Variants in RC3H1 observed in about 807,000 individuals in gnomAD.
The protein encoded by RC3H1 is roquin-1.
A neutral mutation model predicts 138.2 loss-of-function variants in RC3H1; 50 were observed. The ratio of observed to expected loss-of-function variants is 0.36; its 90% confidence interval spans 0.29 to 0.46. The LOEUF is 0.46. Ranked by LOEUF, RC3H1 falls within the 20% of genes least tolerant of loss-of-function variation. The pLI is 1.00. For synonymous variants in RC3H1, 462 were observed against 489.1 expected (o/e 0.94, Z 0.73); for missense variants, 1,031 against 1,388.1 (o/e 0.74, Z 4.09).
intron 1 of RC3H1, chr1:174,016,230 G>A (rs1661860649): frequency 6.6e-6 from 1 of 152,010 alleles, no homozygotes; most frequent in Admixed American, 6.6e-5. Flanking sequence ...TAATTTAAAT[G>A]TATTAATTGA....
chr1:174,021,495 T>G (rs910111181), intron 1 of RC3H1, among the ~76,000 whole-genome samples: 2 of 152,070 alleles, frequency 1.3e-5, no homozygotes, highest in Non-Finnish European at 2.9e-5. Flanking sequence ...TTTTTGTTTT[T>G]TTTTTTTAAA....
chr1:174,014,699 T>C (rs945310448), intron 1 of RC3H1, among the ~76,000 whole-genome samples: 4 of 152,176 alleles, frequency 2.6e-5, no homozygotes, highest in African/African-American at 9.7e-5. Context: ...ACTAAAGATA[T>C]TATTATTTAC....
chr1:174,015,521 T>C (rs543216766), intron 1 of RC3H1, among the ~76,000 whole-genome samples: 1 of 151,974 alleles, frequency 6.6e-6, no homozygotes, highest in African/African-American at 2.4e-5. Context: ...CCTGCCACCA[T>C]GCCCGGCTAA....
intron 1 of RC3H1, among the ~76,000 whole-genome samples, chr1:174,008,068 A>G (rs1399213235): frequency 6.6e-6 from 1 of 152,150 alleles, no homozygotes; most frequent in East Asian, 1.9e-4. Context: ...CTTTTTCCCT[A>G]TGATCCTGTG....
At chr1:174,015,979 T>TC (rs1661855386) in intron 1 of RC3H1, 1 of 152,056 alleles carries the variant, frequency 6.6e-6, no homozygotes, top group Non-Finnish European at 1.5e-5. Context: ...GGCAGGTAGA[T>TC]CACCTGAGAT....
intron 13 of RC3H1, among the ~76,000 whole-genome samples, chr1:173,956,938 G>A (rs910561494): frequency 6.6e-6 from 1 of 151,846 alleles, no homozygotes; most frequent in African/African-American, 2.4e-5. Flanking sequence ...TGTTGAGAAC[G>A]AGTCTTGTTC....
chr1:173,952,392 T>TTTGA (rs1659449940), intron 13 of RC3H1, among the ~76,000 whole-genome samples: 1 of 114,446 alleles, frequency 8.7e-6, no homozygotes, highest in Non-Finnish European at 1.7e-5. Context: ...TTTTTTACCT[T>TTTGA]AGCAGAAGGT....
intron 2 of RC3H1, among the ~76,000 whole-genome samples, chr1:173,987,648 T>C (rs898070215): frequency 1.3e-5 from 2 of 152,224 alleles, no homozygotes; most frequent in Non-Finnish European, 2.9e-5. Context: ...GAATGCTATG[T>C]ATGCACATTA....
chr1:173,974,082 C>CT, intron 7 of RC3H1, among the ~76,000 whole-genome samples: 1 of 152,000 alleles, frequency 6.6e-6, no homozygotes, highest in South Asian at 2.1e-4. Flanking sequence ...TTCCAAAGTG[C>CT]TGGGATTACA....
At position 173,980,980 on chromosome 1, in the gene RC3H1, C is replaced by T. The variant is rs1251301886; in HGVS notation, c.798G>A (p.Leu266=). ...TTCTAAATTCTTCTTTCAGCTGCAT[C>T]AAAGAAGAGTCTTCATCACGTTTGG... The part of the protein sequence containing the change: ...KVTKRDEDSS[L]MQLKEEFRTY... Residue 266 remains leucine, a synonymous_variant, in exon 6 of 20, where the codon TTG becomes TTA. Transcript: ENST00000367696. The T allele has an allele frequency of 2.5e-6, 4 of 1,613,696 alleles. No individual in the cohort carries two copies. The Admixed American group carries it at 6.7e-5, about 27-fold the overall frequency.
At chr1:173,965,611 C>T (rs1304886560) in intron 9 of RC3H1, among the ~76,000 whole-genome samples, 1 of 151,950 alleles carries the variant, frequency 6.6e-6, no homozygotes. Flanking sequence ...TAACATTTGT[C>T]ATATTATAAA....
At chr1:173,947,345 T>C in intron 15 of RC3H1, 24 bp downstream of exon 15, 2 of 1,538,192 alleles carry the variant, frequency 1.3e-6, no homozygotes. Flanking sequence ...ACCCTTTAGG[T>C]CAGCTTACCT....
intron 9 of RC3H1, among the ~76,000 whole-genome samples, chr1:173,966,742 AAAAT>A: frequency 6.6e-6 from 1 of 152,024 alleles, no homozygotes; most frequent in South Asian, 2.1e-4. Flanking sequence ...AGTAAATAAA[AAAAT>A]AAATAAAACC....
At chr1:173,981,190 C>T (rs558811862) in intron 5 of RC3H1, among the ~76,000 whole-genome samples, 181 bp from the exon 6 acceptor site, 1 of 152,316 alleles carries the variant, frequency 6.6e-6, no homozygotes, top group East Asian at 1.9e-4. Context: ...TCATCCCATT[C>T]TGAGTCAAGT....
chr1:173,959,628 G>A (rs1216327454), intron 13 of RC3H1, among the ~76,000 whole-genome samples: 3 of 151,788 alleles, frequency 2.0e-5, no homozygotes, highest in Non-Finnish European at 2.9e-5. Context: ...AAAATTAGCC[G>A]GGCATGGTGG....
intron 13 of RC3H1, among the ~76,000 whole-genome samples, chr1:173,955,419 G>A (rs1033846198): frequency 2.6e-4 from 39 of 147,560 alleles, no homozygotes; most frequent in Admixed American, 4.8e-4. Flanking sequence ...CCAGGTTCAC[G>A]TCATTCTCTC....
At position 173,944,277 on chromosome 1, in the gene RC3H1, A is replaced by G. The variant is rs143066950; in HGVS notation, c.2962-662T>C. 4.8e-3 allele frequency among the ~76,000 whole-genome samples: 732 copies of G among 152,214 alleles called. 7 individuals are homozygous for G. Among genetic ancestry groups the G allele is most frequent in the African/African-American group, 0.016 (684 of 41,534 alleles). ...GGTAATTTTCTCTGAAGTAAATCCT[A>G]TAACTTATTTCAATGAAACCTCAGT... On this transcript the variant is annotated intron_variant, in intron 17 of 19. Coordinates refer to ENST00000367696, the MANE Select transcript of RC3H1 (RefSeq NM_172071.4).
chr1:173,946,622 G>C lies in RC3H1; in HGVS notation c.2829-14C>G, dbSNP rs1659148989. 1 of 1,612,258 alleles carries C rather than the reference G, an allele frequency of 6.2e-7. No individual in the cohort carries two copies. Among genetic ancestry groups the C allele is most frequent in the African/African-American group, 1.3e-5 (1 of 74,818 alleles). ...GATATTCTCTCCCTTTGGTTAGAAA[G>C]AAAGTGTGAATCAAATTTTAACATT... On this transcript the variant is annotated splice_polypyrimidine_tract_variant and intron_variant, in intron 16 of 19. Transcript: ENST00000367696.
chr1:173,980,124 C>A (rs993731104), intron 6 of RC3H1, among the ~76,000 whole-genome samples: 1 of 151,752 alleles, frequency 6.6e-6, no homozygotes, highest in African/African-American at 2.4e-5. Context: ...GCAATCCCCC[C>A]ACCTTGGCCT....
Sources: allele counts gnomAD v4.1 joint callset (sites outside exome capture counted in the v4.1 genomes callset), GRCh38; gene constraint gnomAD v4.1.1; transcripts MANE v1.5; gene names NCBI Gene and HGNC (gene_info 2026-07-23, HGNC 2026-07-21).